EIF4G3: variants seen among roughly 807,000 people sequenced by gnomAD.
EIF4G3 encodes the protein eIF-4-gamma 3.
A neutral mutation model predicts 186.4 loss-of-function variants in EIF4G3; 34 were observed. The ratio of observed to expected loss-of-function variants is 0.18; its 90% confidence interval spans 0.14 to 0.24. The LOEUF (loss-of-function observed/expected upper bound fraction) is 0.24, where lower values mean the gene tolerates loss of function less well. EIF4G3 is among the 10% of genes least tolerant of loss of function. The pLI is 1.00. For synonymous variants in EIF4G3, 673 were observed against 679.5 expected (o/e 0.99, Z 0.15); for missense variants, 1,536 against 1,948.5 (o/e 0.79, Z 3.99).
chr1:21,139,851 C>A (rs1204089160), intron 2 of EIF4G3, among the ~76,000 whole-genome samples: 1 of 152,178 alleles, frequency 6.6e-6, no homozygotes, highest in Non-Finnish European at 1.5e-5. Flanking sequence ...CAGGCCCACA[C>A]TGGTCTATAT....
At chr1:20,923,447 C>T (rs2094627216) in intron 14 of EIF4G3, among the ~76,000 whole-genome samples, 1 of 152,068 alleles carries the variant, frequency 6.6e-6, no homozygotes, top group Non-Finnish European at 1.5e-5. Flanking sequence ...CCACTTCTAC[C>T]ATCATCAAAA....
intron 2 of EIF4G3, among the ~76,000 whole-genome samples, chr1:21,097,793 C>A (rs989369084): frequency 2.0e-5 from 3 of 152,000 alleles, no homozygotes; most frequent in Non-Finnish European, 4.4e-5. Flanking sequence ...AACACCTCAC[C>A]CTTTGTACAA....
intron 2 of EIF4G3, among the ~76,000 whole-genome samples, chr1:21,102,419 T>C (rs951093312): frequency 2.0e-4 from 30 of 152,238 alleles, no homozygotes; most frequent in African/African-American, 7.0e-4. Flanking sequence ...AAATTATAAA[T>C]GCTATGGTTA....
chr1:20,895,653 A>G, intron 16 of EIF4G3, 152 bp from the exon 17 acceptor site: 1 of 798,808 alleles, frequency 1.3e-6, no homozygotes, highest in Non-Finnish European at 1.9e-6. Flanking sequence ...AAAGGTTCCT[A>G]TTGCCTAATG....
At chr1:20,824,289 T>C (rs2063086600) in intron 33 of EIF4G3, among the ~76,000 whole-genome samples, 1 of 152,254 alleles carries the variant, frequency 6.6e-6, no homozygotes, top group Non-Finnish European at 1.5e-5. Flanking sequence ...AGCTAATGTC[T>C]GTAGCAACCT....
intron 2 of EIF4G3, among the ~76,000 whole-genome samples, chr1:21,101,127 A>G (rs1439445740): frequency 6.6e-6 from 1 of 152,186 alleles, no homozygotes; most frequent in African/African-American, 2.4e-5. Context: ...AAAAGAGATC[A>G]AAGTTTAACG....
chr1:20,873,145 T>C (rs1024247438), intron 20 of EIF4G3, among the ~76,000 whole-genome samples: 10 of 152,202 alleles, frequency 6.6e-5, no homozygotes, highest in Admixed American at 2.6e-4. Context: ...TAACAAATCA[T>C]GTAGTATCTT....
chr1:21,026,064 A>C (rs1318205641), intron 4 of EIF4G3, among the ~76,000 whole-genome samples: 2 of 152,222 alleles, frequency 1.3e-5, no homozygotes, highest in Non-Finnish European at 2.9e-5. Flanking sequence ...CCTGATATTC[A>C]TATGTATTCT....
intron 28 of EIF4G3, among the ~76,000 whole-genome samples, chr1:20,849,996 C>T (rs900897398): frequency 9.9e-5 from 15 of 152,182 alleles, no homozygotes; most frequent in African/African-American, 2.7e-4. Flanking sequence ...TCCTTGCCTA[C>T]GAACCTGTTT....
intron 4 of EIF4G3, among the ~76,000 whole-genome samples, chr1:21,037,604 C>T (rs983718301): frequency 1.3e-5 from 2 of 152,104 alleles, no homozygotes; most frequent in Admixed American, 6.5e-5. Flanking sequence ...GTACAGACCA[C>T]GATGCAAAGC....
rs778673472 is a variant in EIF4G3, at chr1:20,969,464, T to C, written c.714+10A>G. 6.2e-7 allele frequency: 1 copy of C among 1,613,554 alleles called. No individual in the cohort carries two copies. Among genetic ancestry groups the C allele is most frequent in the Non-Finnish European group, 8.5e-7 (1 of 1,179,640 alleles). ...AATAGTGCCATCCATTACAGCTCAC[T>C]CTGTCTTACCTGAGGAGGAGTAGGT... On this transcript the variant is annotated intron_variant, in intron 12 of 36. Transcript: ENST00000602326.
chr1:21,023,675 G>T (rs933533052), intron 4 of EIF4G3, among the ~76,000 whole-genome samples: 7 of 151,830 alleles, frequency 4.6e-5, no homozygotes, highest in African/African-American at 1.4e-4. Context: ...CTGCCCAGCC[G>T]CCACCCCGTC....
At chr1:21,091,587 AT>A (rs957483144) in intron 2 of EIF4G3, among the ~76,000 whole-genome samples, 6 of 151,830 alleles carry the variant, frequency 4.0e-5, no homozygotes, top group Non-Finnish European at 5.9e-5. Context: ...TTAAAAAAAA[AT>A]TTTTTTTCCA....
At chr1:20,984,569 C>T (rs1193060888) in intron 7 of EIF4G3, among the ~76,000 whole-genome samples, 2 of 146,908 alleles carry the variant, frequency 1.4e-5, no homozygotes, top group South Asian at 2.4e-4. Context: ...TACACACACA[C>T]ACACACACAC....
At position 20,899,810 on chromosome 1, in the gene EIF4G3, T is replaced by G; in HGVS notation, c.1886A>C (p.Glu629Ala). 2.5e-6 allele frequency: 4 copies of G among 1,614,138 alleles called. No homozygotes were observed. The highest frequency in any genetic ancestry group is 2.2e-5 in the South Asian group (2 of 91,084). The change falls in exon 16 of 37, where the codon GAA becomes GCA. Residue 629 changes from glutamate to alanine, a missense_variant. Physicochemically the swap from Glu to Ala is moderately radical, Grantham distance 107. Coordinates refer to ENST00000602326, the MANE Select transcript of EIF4G3 (RefSeq NM_001391906.1). ...KVKAVEENGE[E>A]AEPVRNGAES... ...AGCACCATTACGTACTGGCTCAGCT[T>G]CTTCTCCATTTTCTTCCACAGCTTT... is the stretch of plus-strand genomic sequence containing the variant.
rs149766880 is a variant in EIF4G3, at chr1:21,014,219, G to A, written c.-66-11411C>T. Among the ~76,000 whole-genome samples the A allele has an allele frequency of 5.1e-3, 784 of 152,254 alleles. 7 individuals carry two copies. The highest frequency in any genetic ancestry group is 0.018 in the African/African-American group (753 of 41,556). On this transcript the variant is annotated intron_variant, in intron 4 of 36. Coordinates refer to ENST00000602326, the MANE Select transcript of EIF4G3 (RefSeq NM_001391906.1). ...TGAAAGAATTATCACCGGTGGAGGC[G>A]CTGGCATAATTCAGCTGTTTTCAAG...
chr1:20,835,213 T>C (rs528690691), intron 30 of EIF4G3, among the ~76,000 whole-genome samples: 22 of 152,248 alleles, frequency 1.4e-4, no homozygotes, highest in African/African-American at 2.9e-4. Context: ...CCGACACTTA[T>C]AGAATGCAGC....
chr1:21,089,713 A>C (rs1272065464), intron 2 of EIF4G3, among the ~76,000 whole-genome samples: 1 of 151,632 alleles, frequency 6.6e-6, no homozygotes, highest in South Asian at 2.1e-4. Context: ...TGAGCACAGG[A>C]GTTTAACAAG....
chr1:21,128,349 A>C (rs946179482), intron 2 of EIF4G3, among the ~76,000 whole-genome samples: 3 of 151,838 alleles, frequency 2.0e-5, no homozygotes, highest in African/African-American at 4.8e-5. Flanking sequence ...TCTCTAAAAA[A>C]TAATACAAGA....
Sources: allele counts gnomAD v4.1 joint callset (sites outside exome capture counted in the v4.1 genomes callset), GRCh38; gene constraint gnomAD v4.1.1; transcripts MANE v1.5; gene names NCBI Gene and HGNC (gene_info 2026-07-23, HGNC 2026-07-21).